Variants in CPS1 observed in about 807,000 individuals in gnomAD.
CPS1 encodes carbamoyl-phosphate synthase 1.
CPS1 carries 109 observed loss-of-function variants against 174.6 expected under a neutral mutation model. The observed-to-expected ratio is 0.62, with a 90% CI of 0.53 to 0.73. The LOEUF is 0.73. Among genes scored for constraint, CPS1 ranks in the 30% least tolerant of loss-of-function variants. The pLI is 0.00. For synonymous variants in CPS1, 637 were observed against 632.0 expected (o/e 1.01, Z -0.12); for missense variants, 1,689 against 1,821.9 (o/e 0.93, Z 1.33).
intron 1 of CPS1, among the ~76,000 whole-genome samples, chr2:210,537,968 G>C (rs1388492507): frequency 6.6e-6 from 1 of 152,138 alleles, no homozygotes; most frequent in African/African-American, 2.4e-5. Flanking sequence ...CAGGTATCAT[G>C]CTAAAACCAT....
chr2:210,653,850 G>A (rs1700628043), intron 28 of CPS1, among the ~76,000 whole-genome samples, 175 bp from the exon 29 acceptor site: 2 of 152,180 alleles, frequency 1.3e-5, no homozygotes, highest in Non-Finnish European at 2.9e-5. Context: ...TACAAGCAAA[G>A]AACAACCTTG....
In CPS1 at chr2:210,620,255, A is replaced by G. The variant is rs967472282; in HGVS notation, c.2687+3714A>G. ...TATATATAAATATTCACAGACTGAG[A>G]TGGGGAAAACAAAACAATGATTGTA... On this transcript the variant is annotated intron_variant, in intron 21 of 37. Coordinates refer to ENST00000233072, the MANE Select transcript of CPS1 (RefSeq NM_001875.5). 2.6e-5 allele frequency among the ~76,000 whole-genome samples: 4 copies of G among 152,134 alleles called. No homozygotes were observed. The South Asian group carries it at 6.2e-4, about 24-fold the overall frequency.
chr2:210,551,467 C>G (rs1341047911), intron 1 of CPS1, among the ~76,000 whole-genome samples: 1 of 151,878 alleles, frequency 6.6e-6, no homozygotes, highest in Non-Finnish European at 1.5e-5. Context: ...CTTTTTTAAG[C>G]AGAAATTAGC....
intron 1 of CPS1, among the ~76,000 whole-genome samples, chr2:210,521,511 G>C (rs753183635): frequency 2.0e-5 from 3 of 151,660 alleles, no homozygotes; most frequent in Non-Finnish European, 4.4e-5. Flanking sequence ...ATAGTTTTCT[G>C]TTAAAAAATT....
chr2:210,497,893 C>CATATATAT lies in CPS1; in HGVS notation c.3+20146_3+20153dup, dbSNP rs59178446. Among the ~76,000 whole-genome samples the CATATATAT allele has an allele frequency of 7.2e-3, 622 of 86,854 alleles. 32 individuals carry two copies. Among genetic ancestry groups the CATATATAT allele is most frequent in the South Asian group, 0.031 (64 of 2,062 alleles). The allele number at this position is 86,854 out of a possible 152,430, so 57.0% of individuals were successfully genotyped here. A position where few individuals can be genotyped will look rare whatever the true frequency, so the allele number is the denominator to read the frequency against. On this transcript the variant is annotated intron_variant, in intron 1 of 38. Transcript: ENST00000430249. ...TTTTTGGTAGAACAATATATACATA[C>CATATATAT]ATATATATATATATATATATATATA... is the stretch of plus-strand genomic sequence containing the variant.
At chr2:210,674,848 A>C in intron 34 of CPS1, 54 bp from the exon 35 acceptor site, 1 of 1,340,110 alleles carries the variant, frequency 7.5e-7, no homozygotes, top group South Asian at 1.2e-5. Context: ...ACCATATTGC[A>C]TAAATGAAGA....
At position 210,608,341 on chromosome 2, in the gene CPS1, A is replaced by G. The variant is rs1399127486; in HGVS notation, c.2193-20A>G. 2 of 1,609,440 alleles carry G rather than the reference A, an allele frequency of 1.2e-6. No individual in the cohort carries two copies. Among genetic ancestry groups the G allele is most frequent in the East Asian group, 2.2e-5 (1 of 44,752 alleles). The stretch of plus-strand genomic sequence containing the variant: ...ATAATTGCTCGAAGAAAAAAAAATA[A>G]ATTTGTCTTCTTTTTATAGCTACCC... On this transcript the variant is annotated intron_variant, in intron 18 of 37. Transcript: ENST00000233072.
intron 1 of CPS1, among the ~76,000 whole-genome samples, chr2:210,485,490 T>C (rs964342292): frequency 1.3e-5 from 2 of 152,214 alleles, no homozygotes; most frequent in Admixed American, 1.3e-4. Flanking sequence ...TCTGAAAATA[T>C]ATAATTTCTG....
chr2:210,587,289 A>G (rs1483191262), intron 6 of CPS1, among the ~76,000 whole-genome samples: 1 of 152,096 alleles, frequency 6.6e-6, no homozygotes, highest in Non-Finnish European at 1.5e-5. Flanking sequence ...TCCTAAATTC[A>G]TAGCGTGCTA....
chr2:210,595,384 C>A (rs1275237097), intron 12 of CPS1, 103 bp from the exon 13 acceptor site: 13 of 825,202 alleles, frequency 1.6e-5, no homozygotes, highest in Admixed American at 1.4e-4. Flanking sequence ...CCTTAGATGA[C>A]CACATAAACT....
In CPS1 at chr2:210,668,290, T is replaced by A. The variant is rs969708678; in HGVS notation, c.4101+6T>A. ...GCATCCTGATAGGCATCCAGGTAAG[T>A]GGTTTGTGGCTGTGTGCTTGCCCAT... is the stretch of plus-strand genomic sequence containing the variant. On this transcript the variant is annotated splice_donor_region_variant and intron_variant, in intron 34 of 37. Coordinates refer to ENST00000233072, the MANE Select transcript of CPS1 (RefSeq NM_001875.5). 3 of 1,602,180 alleles carry A rather than the reference T, an allele frequency of 1.9e-6. No individual in the cohort carries two copies. In the East Asian group the frequency reaches 6.7e-5, roughly 36 times the overall value.
chr2:210,576,657 A>G (rs569091172), intron 3 of CPS1, among the ~76,000 whole-genome samples, 167 bp downstream of exon 3: 1 of 152,294 alleles, frequency 6.6e-6, no homozygotes, highest in African/African-American at 2.4e-5. Context: ...CTTTAACTTG[A>G]CAGTATTTTG....
chr2:210,652,449 A>T (rs1462233428), intron 28 of CPS1, among the ~76,000 whole-genome samples: 2 of 152,166 alleles, frequency 1.3e-5, no homozygotes, highest in African/African-American at 4.8e-5. Context: ...CTCGGATTAG[A>T]GTAATGACAC....
chr2:210,550,311 A>G (rs769028742), intron 1 of CPS1, among the ~76,000 whole-genome samples: 1 of 151,874 alleles, frequency 6.6e-6, no homozygotes, highest in Non-Finnish European at 1.5e-5. Flanking sequence ...ATCAAATTGA[A>G]TCTTAACCAG....
intron 1 of CPS1, among the ~76,000 whole-genome samples, chr2:210,564,151 A>G (rs1240294154): frequency 6.6e-6 from 1 of 152,196 alleles, no homozygotes; most frequent in African/African-American, 2.4e-5. Flanking sequence ...GCAGTATTCT[A>G]TCTTGTAACA....
intron 1 of CPS1, among the ~76,000 whole-genome samples, chr2:210,547,342 A>G (rs886638814): frequency 3.9e-5 from 6 of 152,152 alleles, no homozygotes; most frequent in African/African-American, 7.2e-5. Flanking sequence ...ACAATTTGTA[A>G]AAATGCAGAA....
chr2:210,590,255 A>G, intron 8 of CPS1, 21 bp downstream of exon 8: 4 of 1,612,258 alleles, frequency 2.5e-6, no homozygotes, highest in African/African-American at 1.3e-5. Context: ...CCTTGAATTC[A>G]TGTGTATCTG....
intron 5 of CPS1, among the ~76,000 whole-genome samples, chr2:210,580,125 T>A (rs1697869336): frequency 6.6e-6 from 1 of 152,102 alleles, no homozygotes; most frequent in South Asian, 2.1e-4. Flanking sequence ...GCATAACAAT[T>A]TTGCCTGAAG....
At chr2:210,653,928 T>G in intron 28 of CPS1, 97 bp from the exon 29 acceptor site, 1 of 932,028 alleles carries the variant, frequency 1.1e-6, no homozygotes, top group Non-Finnish European at 1.8e-6. Flanking sequence ...TTGCAAGTAT[T>G]GCCCTGATAC....
Sources: allele counts gnomAD v4.1 joint callset (sites outside exome capture counted in the v4.1 genomes callset), GRCh38; gene constraint gnomAD v4.1.1; transcripts MANE v1.5; gene names NCBI Gene and HGNC (gene_info 2026-07-23, HGNC 2026-07-21).